Variants in APOC2 observed in about 807,000 individuals in gnomAD.
The protein encoded by APOC2 is apolipoprotein C2.
In APOC2, 6 loss-of-function variants were observed where a neutral mutation model predicts 10.2. That is an observed-to-expected ratio of 0.59 (90% CI 0.32 to 1.16). APOC2 has a LOEUF of 1.16. Among genes scored for constraint, APOC2 ranks in the 50% most tolerant of loss-of-function variants. APOC2 has a pLI of 0.05. For missense variants in APOC2, 110 were observed against 117.6 expected (o/e 0.94, Z 0.30); for synonymous variants, 56 against 48.5 (o/e 1.15, Z -0.64).
chr19:44,948,394 C>A, intron 1 of APOC2, 72 bp from the exon 2 acceptor site: 1 of 1,292,108 alleles, frequency 7.7e-7, no homozygotes, highest in African/African-American at 1.5e-5. Flanking sequence ...TCCCCCCCAC[C>A]AGAGTGGGGC....
chr19:44,947,745 C>T (rs897524775), intron 1 of APOC2, among the ~76,000 whole-genome samples: 2 of 151,970 alleles, frequency 1.3e-5, no homozygotes, highest in Non-Finnish European at 2.9e-5. Flanking sequence ...ACCAGCCTGG[C>T]CAACATGGTG....
In APOC2 at chr19:44,948,834, C is replaced by T. The variant is rs754423238; in HGVS notation, c.189C>T (p.Tyr63=). ...CCCAGAACCTGTACGAGAAGACATACCTGCCCGCTGTAGATGAGAAACTCA... is the reference window on the plus strand; with the variant it reads ...CCCAGAACCTGTACGAGAAGACATATCTGCCCGCTGTAGATGAGAAACTCA... ...TAAQNLYEKT[Y]LPAVDEKLRD... The change falls in exon 3 of 4, where the codon TAC becomes TAT. Residue 63 remains tyrosine (Y), a synonymous_variant. Transcript: ENST00000252490. 3 of 1,613,674 alleles carry T rather than the reference C, an allele frequency of 1.9e-6. No homozygotes were observed. The highest frequency in any genetic ancestry group is 2.5e-6 in the Non-Finnish European group (3 of 1,180,024).
At chr19:44,946,826 G>GA (rs986332999) in intron 1 of APOC2, among the ~76,000 whole-genome samples, 3 of 151,798 alleles carry the variant, frequency 2.0e-5, no homozygotes, top group Non-Finnish European at 4.4e-5. Context: ...AGTCTTGGCG[G>GA]AAAAAAAGAA....
At chr19:44,946,204 T>TGC (rs1970317949) in intron 1 of APOC2, 129 bp downstream of exon 1, 2 of 102,058 alleles carry the variant, frequency 2.0e-5, no homozygotes, top group African/African-American at 6.2e-5. Context: ...TGTGTGTGTG[T>TGC]GTGTGTGTGT....
At chr19:44,949,019 C>CAGCCCCT (rs1491296153) in intron 3 of APOC2, 140 bp from the exon 4 acceptor site, 1 of 1,080,808 alleles carries the variant, frequency 9.3e-7, no homozygotes, top group Admixed American at 2.4e-5. Context: ...AGCCCGTCCT[C>CAGCCCCT]CCTCAGACCC....
At position 44,949,167 on chromosome 19, in the gene APOC2, A is replaced by C; in HGVS notation, c.224A>C (p.Tyr75Ser). Residue 75 changes from tyrosine (Y) to serine (S), a missense_variant, in exon 4 of 4, where the codon TAC (tyrosine) becomes TCC (serine). Physicochemically the swap from Tyr to Ser is moderately radical, Grantham distance 144. Transcript: ENST00000252490. The stretch of plus-strand genomic sequence containing the variant: ...CTGTGCTTTCTCCCCAGGGACTTGT[A>C]CAGCAAAAGCACAGCAGCCATGAGC... ...PAVDEKLRDL[Y>S]SKSTAAMSTY... The C allele has an allele frequency of 6.2e-7, 1 of 1,613,072 alleles. No homozygotes were observed. The highest frequency in any genetic ancestry group is 8.5e-7 in the Non-Finnish European group (1 of 1,179,766).
At chr19:44,947,671 T>A (rs4803775) in intron 1 of APOC2, among the ~76,000 whole-genome samples, 14 of 151,946 alleles carry the variant, frequency 9.2e-5, no homozygotes, top group African/African-American at 3.4e-4. Flanking sequence ...TGGTGGCTCA[T>A]GCCTGTAATT....
In APOC2 at chr19:44,949,339, C is replaced by A; in HGVS notation, c.*90C>A. The A allele has an allele frequency of 1.1e-6, 1 of 924,244 alleles. No homozygotes were observed. The highest frequency in any genetic ancestry group is 1.7e-6 in the Non-Finnish European group (1 of 572,538). The allele number at this position is 924,244 out of a possible 1,614,324, so 57.3% of individuals were successfully genotyped here. On this transcript the variant is annotated 3_prime_UTR_variant, in exon 4 of 4. Coordinates refer to ENST00000252490, the MANE Select transcript of APOC2 (RefSeq NM_000483.5). ...ACTGAGCTCCCCCTTCCCAGTAGCT[C>A]TTGCATCCTCCTCCCAACTCTAGCC...
chr19:44,949,448 A>T lies in APOC2; in HGVS notation c.*199A>T, dbSNP rs1970360772. 1 of 616,430 alleles carries T rather than the reference A, an allele frequency of 1.6e-6. No homozygotes were observed. Among genetic ancestry groups the T allele is most frequent in the African/African-American group, 1.8e-5 (1 of 54,714 alleles). 38.2% of individuals were successfully genotyped at this position (616,430 alleles called of 1,614,324 possible). On this transcript the variant is annotated 3_prime_UTR_variant, in exon 4 of 4. Transcript: ENST00000252490. ...TCTGAGGACTCAAGGGCCAAGATGGAGGGGCTGACTCAGTCCAGCCAACAT... is the reference window on the plus strand; with the variant it reads ...TCTGAGGACTCAAGGGCCAAGATGGTGGGGCTGACTCAGTCCAGCCAACAT...
In APOC2 at chr19:44,949,390, A is replaced by G; in HGVS notation, c.*141A>G. On this transcript the variant is annotated 3_prime_UTR_variant, in exon 4 of 4. Transcript: ENST00000252490. ...TGAATTCTTTTCAATAAAAAATACA[A>G]TTCAAGTTGCTTCTCATGGATGGCA... 1 of 728,100 alleles carries G rather than the reference A, an allele frequency of 1.4e-6. No homozygotes were observed. The highest frequency in any genetic ancestry group is 1.5e-5 in the South Asian group (1 of 65,758). 45.1% of individuals were successfully genotyped at this position (728,100 alleles called of 1,614,324 possible). A position where few individuals can be genotyped will look rare whatever the true frequency, so the allele number is the denominator to read the frequency against.
chr19:44,946,505 G>C (rs970484413), intron 1 of APOC2, among the ~76,000 whole-genome samples: 2 of 152,146 alleles, frequency 1.3e-5, no homozygotes, highest in African/African-American at 4.8e-5. Flanking sequence ...CTGGGTGACA[G>C]AGAAACCCCA....
rs775692039 is a variant in APOC2, at chr19:44,949,192, C to T, written c.249C>T (p.Ser83=). 1.9e-6 allele frequency: 3 copies of T among 1,614,094 alleles called. No individual in the cohort carries two copies. The highest frequency in any genetic ancestry group is 1.7e-6 in the Non-Finnish European group (2 of 1,180,008). Residue 83 remains serine, a synonymous_variant, in exon 4 of 4, where the codon AGC becomes AGT. Coordinates refer to ENST00000252490, the MANE Select transcript of APOC2 (RefSeq NM_000483.5). ...DLYSKSTAAM[S]TYTGIFTDQV... Reference sequence around the variant, plus strand: ...ACAGCAAAAGCACAGCAGCCATGAGCACTTACACAGGCATTTTTACTGACC... The same window carrying T: ...ACAGCAAAAGCACAGCAGCCATGAGTACTTACACAGGCATTTTTACTGACC...
chr19:44,949,519 A>G lies in APOC2; in HGVS notation c.*270A>G, dbSNP rs1970361408. 3.9e-6 allele frequency: 2 copies of G among 512,280 alleles called. No individual in the cohort carries two copies. The highest frequency in any genetic ancestry group is 3.5e-6 in the Non-Finnish European group (1 of 281,924). The allele number at this position is 512,280 out of a possible 1,614,324, so 31.7% of individuals were successfully genotyped here. On this transcript the variant is annotated 3_prime_UTR_variant, in exon 4 of 4. Transcript: ENST00000252490. ...GTATGGAGCTCTAACCCATGGGTCCATGGGAATAAAGCAGTGAATAGTAAC... is the reference window on the plus strand; with the variant it reads ...GTATGGAGCTCTAACCCATGGGTCCGTGGGAATAAAGCAGTGAATAGTAAC...
intron 1 of APOC2, among the ~76,000 whole-genome samples, chr19:44,946,619 C>T (rs1174418983): frequency 1.3e-5 from 2 of 151,920 alleles, no homozygotes; most frequent in African/African-American, 2.4e-5. Context: ...GTCAGGAGTT[C>T]GACACCAGCC....
chr19:44,948,941 C>T (rs1970353104), intron 3 of APOC2, 81 bp downstream of exon 3: 2 of 1,584,086 alleles, frequency 1.3e-6, no homozygotes, highest in Non-Finnish European at 8.6e-7. Flanking sequence ...GCCCCAGCCC[C>T]TCCTCCCTCA....
At chr19:44,948,297 A>G (rs1386620339) in intron 1 of APOC2, 169 bp from the exon 2 acceptor site, 2 of 651,166 alleles carry the variant, frequency 3.1e-6, no homozygotes, top group Middle Eastern at 3.9e-4. Flanking sequence ...GAATGTTGGA[A>G]AGTGAGGCCC....
Position 44,949,413 on chromosome 19 carries a change from G to A in APOC2, c.*164G>A. ...CAATTCAAGTTGCTTCTCATGGATG[G>A]CACTGCTTTTCTGAGGACTCAAGGG... On this transcript the variant is annotated 3_prime_UTR_variant, in exon 4 of 4. Transcript: ENST00000252490. 2 of 665,572 alleles carry A rather than the reference G, an allele frequency of 3.0e-6. No homozygotes were observed. The highest frequency in any genetic ancestry group is 5.4e-6 in the Non-Finnish European group (2 of 373,394). The allele number at this position is 665,572 out of a possible 1,614,324, so 41.2% of individuals were successfully genotyped here.
Position 44,949,460 on chromosome 19 carries a change from A to G in APOC2, c.*211A>G. On this transcript the variant is annotated 3_prime_UTR_variant, in exon 4 of 4. Coordinates refer to ENST00000252490, the MANE Select transcript of APOC2 (RefSeq NM_000483.5). ...AGGGCCAAGATGGAGGGGCTGACTC[A>G]GTCCAGCCAACATTTAATGAGCACC... 1.7e-6 allele frequency: 1 copy of G among 597,702 alleles called. No homozygotes were observed. The allele number at this position is 597,702 out of a possible 1,614,324, so 37.0% of individuals were successfully genotyped here. A position where few individuals can be genotyped will look rare whatever the true frequency, so the allele number is the denominator to read the frequency against.
intron 1 of APOC2, chr19:44,947,391 T>C (rs1970333698): frequency 6.6e-6 from 1 of 152,272 alleles, no homozygotes; most frequent in Non-Finnish European, 1.5e-5. Context: ...TGATCTACTG[T>C]AGGTCCTTAA....
Sources: allele counts gnomAD v4.1 joint callset (sites outside exome capture counted in the v4.1 genomes callset), GRCh38; gene constraint gnomAD v4.1.1; transcripts MANE v1.5; gene names NCBI Gene and HGNC (gene_info 2026-07-23, HGNC 2026-07-21).